CLSPN: variants seen among roughly 807,000 people sequenced by gnomAD.
CLSPN encodes the protein claspin, also known as claspin homolog.
A neutral mutation model predicts 156.3 loss-of-function variants in CLSPN; 85 were observed. The observed-to-expected ratio is 0.54, with a 90% CI of 0.46 to 0.65. The LOEUF (loss-of-function observed/expected upper bound fraction) is 0.65, where lower values mean the gene tolerates loss of function less well. Ranked by LOEUF, CLSPN falls within the 30% of genes least tolerant of loss-of-function variation. CLSPN has a pLI of 0.00. For missense variants in CLSPN, 1,407 were observed against 1,554.9 expected, an observed-to-expected ratio of 0.90 and a Z score of 1.60; for synonymous variants, 534 against 542.4, an observed-to-expected ratio of 0.98 and a Z score of 0.22.
In CLSPN at chr1:35,733,540, T is replaced by C. The variant is rs1641373235; in HGVS notation, c.*2956A>G. 1.0e-6 allele frequency: 1 copy of C among 985,246 alleles called. No homozygotes were observed. The highest frequency in any genetic ancestry group is 1.2e-6 in the Non-Finnish European group (1 of 829,916). 61.0% of individuals were successfully genotyped at this position (985,246 alleles called of 1,614,324 possible). A position where few individuals can be genotyped will look rare whatever the true frequency, so the allele number is the denominator to read the frequency against. ...ACAAGAGGGAAGAAATATCTAGCCTTCCTGCTCAGTTCTCTTTTGCCCAGC... is the reference window on the plus strand; with the variant it reads ...ACAAGAGGGAAGAAATATCTAGCCTCCCTGCTCAGTTCTCTTTTGCCCAGC... On this transcript the variant is annotated 3_prime_UTR_variant, in exon 25 of 25. Coordinates refer to ENST00000318121, the MANE Select transcript of CLSPN (RefSeq NM_022111.4).
At position 35,748,022 on chromosome 1, in the gene CLSPN, C is replaced by T; in HGVS notation, c.2512G>A (p.Asp838Asn). ...GAGGCGTTATACAGATCCTGGGAAT[C>T]CTCTATGGGAAGTGAAGGCTCAGAC... ...KLSEPSLPIE[D>N]SQDLYNASPE... Residue 838 changes from aspartate to asparagine, a missense_variant, in exon 14 of 25, where the codon GAT becomes AAT. Coordinates refer to ENST00000318121, the MANE Select transcript of CLSPN (RefSeq NM_022111.4). 1 of 1,614,068 alleles carries T rather than the reference C, an allele frequency of 6.2e-7. No homozygotes were observed. Among genetic ancestry groups the T allele is most frequent in the South Asian group, 1.1e-5 (1 of 91,060 alleles).
intron 24 of CLSPN, among the ~76,000 whole-genome samples, chr1:35,726,905 G>T (rs913593188): frequency 1.3e-5 from 2 of 152,196 alleles, no homozygotes; most frequent in African/African-American, 4.8e-5. Flanking sequence ...AGTCAGGAGG[G>T]TGAACACCCT....
At position 35,743,526 on chromosome 1, in the gene CLSPN, C is replaced by G. The variant is rs1297620795; in HGVS notation, c.2971G>C (p.Glu991Gln). The change falls in exon 17 of 25, where the codon GAG becomes CAG. Residue 991 changes from glutamate to glutamine, a missense_variant. Coordinates refer to ENST00000318121, the MANE Select transcript of CLSPN (RefSeq NM_022111.4). Reference sequence around the variant, plus strand: ...CCAAATTCCTCCTCCTCGTCTTCCTCTTCCCTAAAATGTAAATCAATGAAT... The same window carrying G: ...CCAAATTCCTCCTCCTCGTCTTCCTGTTCCCTAAAATGTAAATCAATGAAT... ...CSGSFPTDKE[E>Q]EDEEEEFGDF... The G allele has an allele frequency of 6.2e-7, 1 of 1,612,234 alleles. No homozygotes were observed. The highest frequency in any genetic ancestry group is 8.5e-7 in the Non-Finnish European group (1 of 1,178,488).
intron 12 of CLSPN, 151 bp downstream of exon 12, chr1:35,749,316 T>C (rs1642002693): frequency 2.8e-6 from 2 of 717,664 alleles, no homozygotes; most frequent in Non-Finnish European, 4.6e-6. Context: ...CCAAGAAAAA[T>C]ATTCTAATTC....
chr1:35,768,428 TAC>T (rs1269877480), intron 1 of CLSPN, among the ~76,000 whole-genome samples: 2 of 151,382 alleles, frequency 1.3e-5, no homozygotes, highest in South Asian at 2.1e-4. Context: ...TTTTTTTTGA[TAC>T]AGTGTCTCAC....
intron 9 of CLSPN, among the ~76,000 whole-genome samples, chr1:35,752,508 G>A (rs1642124256): frequency 6.6e-6 from 1 of 150,772 alleles, no homozygotes; most frequent in Non-Finnish European, 1.5e-5. Flanking sequence ...AACCCAGGAG[G>A]TAGAGGTTGC....
At chr1:35,764,179 G>A (rs189770784) in intron 3 of CLSPN, 87 bp downstream of exon 3, 2 of 761,544 alleles carry the variant, frequency 2.6e-6, no homozygotes, top group East Asian at 5.2e-5. Flanking sequence ...AATAGTCAGA[G>A]AGCAGAAACA....
At chr1:35,765,756 A>T (rs935222147) in intron 1 of CLSPN, among the ~76,000 whole-genome samples, 1 of 152,182 alleles carries the variant, frequency 6.6e-6, no homozygotes, top group Non-Finnish European at 1.5e-5. Context: ...GGCTGCTAAC[A>T]TCACCAAAAG....
intron 2 of CLSPN, among the ~76,000 whole-genome samples, 168 bp downstream of exon 2, chr1:35,765,048 CAT>C (rs971416635): frequency 1.3e-5 from 2 of 152,094 alleles, no homozygotes; most frequent in African/African-American, 2.4e-5. Context: ...AACAATATAA[CAT>C]AGTTTCAAAA....
chr1:35,754,060 C>A, intron 8 of CLSPN, 124 bp from the exon 9 acceptor site: 1 of 756,546 alleles, frequency 1.3e-6, no homozygotes, highest in Non-Finnish European at 2.1e-6. Flanking sequence ...ACAGAGAAAC[C>A]AAAAACCCCT....
At position 35,736,515 on chromosome 1, in the gene CLSPN, A is replaced by C. The variant is rs1470568058; in HGVS notation, c.4001T>G (p.Phe1334Cys). 4.8e-5 allele frequency: 77 copies of C among 1,604,940 alleles called. No homozygotes were observed. The highest frequency in any genetic ancestry group is 6.4e-5 in the Non-Finnish European group (75 of 1,176,374). The change falls in exon 25 of 25, where the codon TTC (phenylalanine) becomes TGC (cysteine). Residue 1334 changes from phenylalanine to cysteine, a missense_variant. Around this residue, in one of 3 missense-constraint regions of CLSPN, gnomAD observed 241 missense variants for 240.5 expected, o/e 1.00. Transcript: ENST00000318121. ...DSTSGLTRSI[F>C]KYLES ...ATGGTGTTAGCTCTCCAAATATTTG[A>C]AGATGCTTCGCGTCAATCCTGAAGT...
At position 35,738,107 on chromosome 1, in the gene CLSPN, AAAAAAAAT is replaced by A. The variant is rs758376008; in HGVS notation, c.3559-18_3559-11del. 975 of 632,526 alleles carry A rather than the reference AAAAAAAAT, an allele frequency of 1.5e-3. 33 individuals are homozygous for A. The highest frequency in any genetic ancestry group is 0.011 in the African/African-American group (226 of 21,076). The allele number at this position is 632,526 out of a possible 1,614,324, so 39.2% of individuals were successfully genotyped here. ...TTTTCCCCTGCTGTGCCTGAAAAAAAAAAAAAATATATATATATATATATATATATATA... is the reference window on the plus strand; with the variant it reads ...TTTTCCCCTGCTGTGCCTGAAAAAAAATATATATATATATATATATATATA... On this transcript the variant is annotated splice_polypyrimidine_tract_variant and intron_variant, in intron 21 of 24. Transcript: ENST00000318121.
chr1:35,737,443 G>C (rs1465288034), intron 22 of CLSPN, 22 bp from the exon 23 acceptor site: 1 of 1,577,852 alleles, frequency 6.3e-7, no homozygotes, highest in South Asian at 1.1e-5. Context: ...AGACAGAGAG[G>C]CCTATTCTGG....
chr1:35,751,220 A>C (rs1334920507), intron 10 of CLSPN, 30 bp downstream of exon 10: 3 of 1,589,644 alleles, frequency 1.9e-6, no homozygotes, highest in South Asian at 1.1e-5. Flanking sequence ...CACCATGACA[A>C]GGTAACAAAA....
At chr1:35,743,577 C>T (rs1428292178) in intron 16 of CLSPN, 47 bp from the exon 17 acceptor site, 3 of 1,466,978 alleles carry the variant, frequency 2.0e-6, no homozygotes, top group Non-Finnish European at 2.8e-6. Context: ...TGAAAGCAAA[C>T]TACAAGTAGT....
At chr1:35,751,983 G>C (rs1232593488) in intron 9 of CLSPN, among the ~76,000 whole-genome samples, 1 of 152,098 alleles carries the variant, frequency 6.6e-6, no homozygotes, top group African/African-American at 2.4e-5. Context: ...CGACATGTTA[G>C]CCTGGCAAAA....
intron 10 of CLSPN, among the ~76,000 whole-genome samples, chr1:35,750,092 A>C (rs1369276956): frequency 6.6e-6 from 1 of 152,112 alleles, no homozygotes; most frequent in Non-Finnish European, 1.5e-5. Context: ...GAGGTTAATT[A>C]ATCAGTCTAA....
At chr1:35,739,052 G>A in intron 20 of CLSPN, 84 bp downstream of exon 20, 1 of 1,493,910 alleles carries the variant, frequency 6.7e-7, no homozygotes, top group Non-Finnish European at 9.2e-7. Flanking sequence ...ACCTGCCTCT[G>A]CCTCCCAAAG....
At chr1:35,762,697 C>T (rs1034610808) in intron 4 of CLSPN, among the ~76,000 whole-genome samples, 5 of 152,214 alleles carry the variant, frequency 3.3e-5, no homozygotes, top group South Asian at 2.1e-4. Context: ...CCTCTGCTTA[C>T]ATCTTTCCCT....
Sources: allele counts gnomAD v4.1 joint callset (sites outside exome capture counted in the v4.1 genomes callset), GRCh38; gene constraint gnomAD v4.1.1; regional missense constraint gnomAD v4.1.1; transcripts MANE v1.5; gene names NCBI Gene and HGNC (gene_info 2026-07-23, HGNC 2026-07-21).